MBNL2: variants seen among roughly 807,000 people sequenced by gnomAD.
MBNL2 encodes muscleblind like splicing regulator 2.
Under a neutral mutation model 41.9 loss-of-function variants are expected in MBNL2, and 17 were observed. That is an observed-to-expected ratio of 0.41 (90% CI 0.28 to 0.61). The LOEUF (loss-of-function observed/expected upper bound fraction) is 0.61, where lower values mean the gene tolerates loss of function less well. Among genes scored for constraint, MBNL2 ranks in the 20% least tolerant of loss-of-function variants. MBNL2 has a pLI of 0.35. For missense variants in MBNL2, 336 were observed against 505.6 expected, an observed-to-expected ratio of 0.66 and a Z score of 3.22; for synonymous variants, 195 against 182.9, an observed-to-expected ratio of 1.07 and a Z score of -0.53.
chr13:97,276,127 C>A lies in MBNL2; in HGVS notation c.-109C>A. ...ACTTCACTAAGCAATTTATCACTCA[C>A]CTTCAGACTTACATGTGGGAGTTTT... On this transcript the variant is annotated 5_prime_UTR_variant, in exon 2 of 9. Transcript: ENST00000679496. The A allele has an allele frequency of 1.2e-6, 1 of 809,664 alleles. No individual in the cohort carries two copies. The highest frequency in any genetic ancestry group is 2.0e-6 in the Non-Finnish European group (1 of 488,912). The allele number at this position is 809,664 out of a possible 1,614,324, so 50.2% of individuals were successfully genotyped here.
chr13:97,290,918 AG>A (rs1758312223), intron 2 of MBNL2, among the ~76,000 whole-genome samples: 1 of 150,702 alleles, frequency 6.6e-6, no homozygotes, highest in Admixed American at 6.6e-5. Context: ...CAGGGGAAAA[AG>A]CTCTAAGCCT....
intron 2 of MBNL2, among the ~76,000 whole-genome samples, chr13:97,285,597 T>C (rs1002737310): frequency 3.3e-5 from 5 of 152,232 alleles, no homozygotes; most frequent in African/African-American, 1.2e-4. Flanking sequence ...TTTTAAACCT[T>C]GGAGTCCAAA....
At chr13:97,314,045 G>A (rs888452679) in intron 2 of MBNL2, among the ~76,000 whole-genome samples, 2 of 152,164 alleles carry the variant, frequency 1.3e-5, no homozygotes, top group African/African-American at 4.8e-5. Flanking sequence ...ATCTCAATCA[G>A]AGTAAAAGCC....
At chr13:97,297,102 T>C (rs1223008154) in intron 2 of MBNL2, among the ~76,000 whole-genome samples, 2 of 152,236 alleles carry the variant, frequency 1.3e-5, no homozygotes, top group African/African-American at 4.8e-5. Context: ...CCACTCCTTC[T>C]GCACATTCAT....
chr13:97,153,973 T>C, the MBNL2 span, among the ~76,000 whole-genome samples: 1 of 152,236 alleles, frequency 6.6e-6, no homozygotes, highest in Non-Finnish European at 1.5e-5. Context: ...GTCTGTGCTA[T>C]CCAGTAAATG....
At chr13:97,241,002 CTGAATGAA>C (rs1020207625) in intron 1 of MBNL2, among the ~76,000 whole-genome samples, 1 of 152,146 alleles carries the variant, frequency 6.6e-6, no homozygotes, top group Non-Finnish European at 1.5e-5. Context: ...GACTGACTGA[CTGAATGAA>C]TGAATGAATT....
At chr13:97,383,813 C>T (rs951410033) in intron 8 of MBNL2, among the ~76,000 whole-genome samples, 2 of 152,074 alleles carry the variant, frequency 1.3e-5, no homozygotes, top group Non-Finnish European at 2.9e-5. Flanking sequence ...GCCCAACCTC[C>T]GAACAATATT....
At chr13:97,258,433 T>C (rs140025072) in intron 1 of MBNL2, among the ~76,000 whole-genome samples, 1 of 152,324 alleles carries the variant, frequency 6.6e-6, no homozygotes, top group Non-Finnish European at 1.5e-5. Context: ...TTTTTACTTC[T>C]AGGATGAAAG....
At chr13:97,322,052 G>T (rs1461074658) in intron 2 of MBNL2, among the ~76,000 whole-genome samples, 1 of 152,178 alleles carries the variant, frequency 6.6e-6, no homozygotes, top group African/African-American at 2.4e-5. Context: ...CGAGGGCAGG[G>T]CCACAGCTTA....
At chr13:97,188,839 C>G in the MBNL2 span, among the ~76,000 whole-genome samples, 1 of 152,104 alleles carries the variant, frequency 6.6e-6, no homozygotes, top group Non-Finnish European at 1.5e-5. Context: ...TCCCCCAACC[C>G]AGCCCTCATT....
At chr13:97,217,423 C>T (rs1448770547), upstream of MBNL2, among the ~76,000 whole-genome samples, 1 of 152,032 alleles carries the variant, frequency 6.6e-6, no homozygotes, top group African/African-American at 2.4e-5. Flanking sequence ...TGTACTGTGA[C>T]AATTGCTACG....
At chr13:97,273,633 T>C (rs1352612032) in intron 1 of MBNL2, among the ~76,000 whole-genome samples, 2 of 152,212 alleles carry the variant, frequency 1.3e-5, no homozygotes, top group Non-Finnish European at 1.5e-5. Flanking sequence ...AAAAGAATTA[T>C]TGGGATGAAG....
At chr13:97,294,097 G>A (rs1258037810) in intron 2 of MBNL2, among the ~76,000 whole-genome samples, 4 of 150,302 alleles carry the variant, frequency 2.7e-5, no homozygotes, top group Admixed American at 6.6e-5. Context: ...TTTTCATCTC[G>A]TGTAAGCTTC....
At chr13:97,378,489 G>A (rs749167388) in intron 8 of MBNL2, among the ~76,000 whole-genome samples, 14 of 152,280 alleles carry the variant, frequency 9.2e-5, no homozygotes, top group Non-Finnish European at 1.6e-4. Flanking sequence ...GGTGGCTGTT[G>A]ATGCTTTCAT....
chr13:97,228,026 C>T (rs540642848), intron 1 of MBNL2, among the ~76,000 whole-genome samples: 2 of 152,246 alleles, frequency 1.3e-5, no homozygotes, highest in East Asian at 1.9e-4. Context: ...TTCAATTTTC[C>T]CATGAGAGCA....
the MBNL2 span, among the ~76,000 whole-genome samples, chr13:97,181,360 G>A: frequency 1.8e-4 from 28 of 152,218 alleles, 1 homozygote; most frequent in Admixed American, 1.2e-3. Flanking sequence ...GTAGGGACAC[G>A]ACTCTGTAAA....
At chr13:97,238,715 G>T (rs2043746132) in intron 1 of MBNL2, among the ~76,000 whole-genome samples, 1 of 152,144 alleles carries the variant, frequency 6.6e-6, no homozygotes, top group African/African-American at 2.4e-5. Context: ...CAGCCAAAGG[G>T]GAGATGGCGG....
the MBNL2 span, among the ~76,000 whole-genome samples, chr13:97,188,994 TCATA>T: frequency 6.6e-6 from 1 of 152,144 alleles, no homozygotes; most frequent in African/African-American, 2.4e-5. Flanking sequence ...TTTGAACAAT[TCATA>T]CATCCCTCCA....
chr13:97,319,722 C>G (rs2153038456), intron 2 of MBNL2, among the ~76,000 whole-genome samples: 1 of 152,314 alleles, frequency 6.6e-6, no homozygotes, highest in South Asian at 2.1e-4. Context: ...TCTCTGTAAT[C>G]AGAATACAAA....
Sources: gnomAD v4.1 joint callset for allele counts (sites outside exome capture counted in the v4.1 genomes callset) on GRCh38, gnomAD v4.1.1 for gene constraint, MANE v1.5 for transcripts, NCBI Gene and HGNC (gene_info 2026-07-23, HGNC 2026-07-21) for gene names.